The following AMBRA1 variants were observed in gnomAD, a reference collection of about 807,000 sequenced individuals.
The protein encoded by AMBRA1 is activating molecule in BECN1-regulated autophagy protein 1.
In AMBRA1, 47 loss-of-function variants were observed where a neutral mutation model predicts 125.4. The ratio of observed to expected loss-of-function variants is 0.37; its 90% confidence interval spans 0.30 to 0.48. The LOEUF (loss-of-function observed/expected upper bound fraction) is 0.48, where lower values mean the gene tolerates loss of function less well. AMBRA1 is among the 20% of genes least tolerant of loss of function. The probability of loss-of-function intolerance (pLI) is 0.99; values close to 1 mark genes in which losing one functional copy is unlikely to be tolerated. For missense variants in AMBRA1, 1,331 were observed against 1,693.4 expected (o/e 0.79, Z 3.76); for synonymous variants, 626 against 655.5 (o/e 0.95, Z 0.69).
intron 11 of AMBRA1, among the ~76,000 whole-genome samples, chr11:46,473,403 TAGAG>T (rs1949682918): frequency 6.6e-6 from 1 of 152,228 alleles, no homozygotes; most frequent in Non-Finnish European, 1.5e-5. Context: ...CAGAGAAAAG[TAGAG>T]AGGGTGATAA....
intron 14 of AMBRA1, among the ~76,000 whole-genome samples, chr11:46,425,046 A>C (rs528879647): frequency 6.6e-6 from 1 of 152,298 alleles, no homozygotes; most frequent in Non-Finnish European, 1.5e-5. Flanking sequence ...AGGCAGGAGA[A>C]TTGCTTGAAC....
At chr11:46,479,510 A>T (rs1304881172) in intron 11 of AMBRA1, among the ~76,000 whole-genome samples, 2 of 152,194 alleles carry the variant, frequency 1.3e-5, no homozygotes, top group Admixed American at 6.5e-5. Flanking sequence ...CAGCCTGGCC[A>T]ACATGGTGAA....
At chr11:46,572,715 A>G (rs1357634529) in intron 1 of AMBRA1, among the ~76,000 whole-genome samples, 3 of 152,118 alleles carry the variant, frequency 2.0e-5, no homozygotes, top group African/African-American at 7.2e-5. Flanking sequence ...GGCACTTTAC[A>G]TGTTATTTCT....
intron 7 of AMBRA1, among the ~76,000 whole-genome samples, chr11:46,523,827 G>A (rs1951857679): frequency 6.6e-6 from 1 of 152,176 alleles, no homozygotes; most frequent in Non-Finnish European, 1.5e-5. Flanking sequence ...AAGATGGTTT[G>A]AACCCACTGA....
At chr11:46,545,941 C>A in intron 4 of AMBRA1, 165 bp from the exon 5 acceptor site, 1 of 598,554 alleles carries the variant, frequency 1.7e-6, no homozygotes, top group Non-Finnish European at 2.9e-6. Flanking sequence ...GGTAGTGCCA[C>A]TAATTTATCA....
rs902378371 is a variant in AMBRA1, at chr11:46,484,882, T to C, written c.2521+8726A>G. 6.6e-5 allele frequency among the ~76,000 whole-genome samples: 10 copies of C among 151,368 alleles called. 1 individual carries two copies. Among genetic ancestry groups the C allele is most frequent in the Admixed American group, 6.6e-4 (10 of 15,166 alleles). On this transcript the variant is annotated intron_variant, in intron 11 of 17. Coordinates refer to ENST00000683756, the MANE Select transcript of AMBRA1 (RefSeq NM_001387011.1). ...GGATGATCTCGATCTCCTGACCTCA[T>C]GATCCACCTGCCTCGGCCTCTGAAA...
At chr11:46,398,394 A>C (rs1388339997) in intron 17 of AMBRA1, among the ~76,000 whole-genome samples, 5 of 152,210 alleles carry the variant, frequency 3.3e-5, no homozygotes, top group African/African-American at 9.6e-5. Flanking sequence ...CCCAAAGGGA[A>C]ACAGTCTGCT....
chr11:46,544,718 G>C (rs941284307), intron 5 of AMBRA1, among the ~76,000 whole-genome samples: 1 of 152,122 alleles, frequency 6.6e-6, no homozygotes, highest in Non-Finnish European at 1.5e-5. Flanking sequence ...GAAACTAAAA[G>C]AGAGTCTAAT....
At chr11:46,558,570 A>C (rs1186163896) in intron 1 of AMBRA1, among the ~76,000 whole-genome samples, 1 of 150,990 alleles carries the variant, frequency 6.6e-6, no homozygotes, top group African/African-American at 2.4e-5. Context: ...AAAAAAAAAA[A>C]AAAACCACTA....
intron 1 of AMBRA1, among the ~76,000 whole-genome samples, chr11:46,558,096 C>T (rs529326124): frequency 7.2e-5 from 11 of 152,274 alleles, no homozygotes; most frequent in South Asian, 6.2e-4. Context: ...TGAAAGCAGA[C>T]GCACAAAGCA....
intron 14 of AMBRA1, among the ~76,000 whole-genome samples, chr11:46,427,499 T>A (rs996407159): frequency 1.3e-5 from 2 of 152,218 alleles, no homozygotes; most frequent in African/African-American, 4.8e-5. Context: ...CTACAGCCCA[T>A]GGTTCGTTCT....
intron 14 of AMBRA1, among the ~76,000 whole-genome samples, chr11:46,418,360 TTTA>T (rs1384784455): frequency 7.0e-5 from 6 of 85,830 alleles, no homozygotes; most frequent in South Asian, 4.0e-4. Flanking sequence ...AAATATATAT[TTTA>T]TTATTTATAT....
chr11:46,429,257 G>A (rs1432078111), intron 14 of AMBRA1: 9 of 921,912 alleles, frequency 9.8e-6, no homozygotes, highest in African/African-American at 1.6e-5. Context: ...AGCCCCTATC[G>A]CTACTCAGAA....
chr11:46,502,367 A>G (rs907687414), intron 9 of AMBRA1, among the ~76,000 whole-genome samples: 4 of 152,252 alleles, frequency 2.6e-5, no homozygotes, highest in Non-Finnish European at 4.4e-5. Context: ...GTGTTTCCTC[A>G]GCATTTCTCT....
At chr11:46,527,817 T>C (rs979362838) in intron 7 of AMBRA1, among the ~76,000 whole-genome samples, 2 of 151,856 alleles carry the variant, frequency 1.3e-5, no homozygotes, top group Admixed American at 6.6e-5. Flanking sequence ...TAACAAGTGC[T>C]GACAAGGATA....
chr11:46,590,041 C>A (rs571649669), intron 1 of AMBRA1, among the ~76,000 whole-genome samples: 1 of 152,130 alleles, frequency 6.6e-6, no homozygotes, highest in African/African-American at 2.4e-5. Flanking sequence ...TTATAAGTTT[C>A]CTAACACATA....
intron 9 of AMBRA1, 121 bp downstream of exon 9, chr11:46,508,070 T>C: frequency 9.5e-7 from 1 of 1,054,762 alleles, no homozygotes; most frequent in Non-Finnish European, 1.4e-6. Flanking sequence ...CTGCTACTCA[T>C]AAATAATAAT....
chr11:46,433,135 A>G (rs538862340), intron 14 of AMBRA1, among the ~76,000 whole-genome samples: 2 of 152,182 alleles, frequency 1.3e-5, no homozygotes, highest in African/African-American at 2.4e-5. Flanking sequence ...CACACACACA[A>G]AAAGCTTTAA....
rs774047489 is a variant in AMBRA1, at chr11:46,542,147, C to G, written c.1870G>C (p.Gly624Arg). Residue 624 changes from glycine to arginine, a missense_variant, in exon 7 of 18, where the codon GGC (glycine) becomes CGC (arginine). This residue lies in a region of AMBRA1 where 689 missense variants were observed against 776.5 expected (regional missense o/e 0.89). Coordinates refer to ENST00000683756, the MANE Select transcript of AMBRA1 (RefSeq NM_001387011.1). The surrounding 1 kb of genome is among the most constrained non-coding windows in gnomAD (Gnocchi z 5.9). ...AGCCTGCTGGAGCTGGGCGTTTGGC[C>G]CTCAGTCCGCTCGAGAGGTGGCAAC... ...SQLPPLERTE[G>R]QTPSSSRLEL... 7.4e-6 allele frequency: 12 copies of G among 1,613,892 alleles called. No individual in the cohort carries two copies. The highest frequency in any genetic ancestry group is 1.0e-5 in the Non-Finnish European group (12 of 1,179,882).
Sources: allele counts gnomAD v4.1 joint callset (sites outside exome capture counted in the v4.1 genomes callset), GRCh38; gene constraint gnomAD v4.1.1; regional missense constraint gnomAD v4.1.1; non-coding constraint Gnocchi (gnomAD v3.1); transcripts MANE v1.5; gene names NCBI Gene and HGNC (gene_info 2026-07-23, HGNC 2026-07-21).